EPHA3: variants seen among roughly 807,000 people sequenced by gnomAD.
The protein encoded by EPHA3 is EPH receptor A3, also known as ephrin type-A receptor 3.
A neutral mutation model predicts 107.1 loss-of-function variants in EPHA3; 42 were observed. The ratio of observed to expected loss-of-function variants is 0.39; its 90% CI spans 0.31 to 0.51. EPHA3 has a LOEUF of 0.51. Ranked by LOEUF, EPHA3 falls within the 20% of genes least tolerant of loss-of-function variation. The pLI is 0.78. For synonymous variants in EPHA3, 461 were observed against 424.8 expected, an observed-to-expected ratio of 1.09 and a Z score of -1.05; for missense variants, 1,183 against 1,211.2, an observed-to-expected ratio of 0.98 and a Z score of 0.35.
chr3:89,241,889 C>A (rs1460889348), intron 3 of EPHA3, among the ~76,000 whole-genome samples: 1 of 151,704 alleles, frequency 6.6e-6, no homozygotes, highest in Admixed American at 6.6e-5. Context: ...TAACTTTATC[C>A]CCCTCTCAGC....
intron 3 of EPHA3, among the ~76,000 whole-genome samples, chr3:89,330,049 C>A (rs900214594): frequency 3.3e-5 from 5 of 151,820 alleles, no homozygotes; most frequent in Non-Finnish European, 7.4e-5. Flanking sequence ...AAAGAGGATT[C>A]TTTTAAGATA....
At chr3:89,382,508 CAAA>C (rs575357952) in intron 5 of EPHA3, among the ~76,000 whole-genome samples, 2 of 79,764 alleles carry the variant, frequency 2.5e-5, no homozygotes, top group Non-Finnish European at 2.6e-5. Flanking sequence ...AATTCCATCT[CAAA>C]AAAAAAAAAA....
chr3:89,193,851 G>A (rs1705775934), intron 2 of EPHA3, among the ~76,000 whole-genome samples: 1 of 151,898 alleles, frequency 6.6e-6, no homozygotes, highest in South Asian at 2.1e-4. Flanking sequence ...CATGTTATAT[G>A]AATAGTATTG....
chr3:89,406,395 A>C (rs191662952), intron 7 of EPHA3, among the ~76,000 whole-genome samples: 1 of 152,266 alleles, frequency 6.6e-6, no homozygotes, highest in Admixed American at 6.5e-5. Flanking sequence ...GTCTGGGTCA[A>C]GAGTCAGTAA....
At chr3:89,437,210 A>G (rs1484903852) in intron 13 of EPHA3, among the ~76,000 whole-genome samples, 1 of 152,134 alleles carries the variant, frequency 6.6e-6, no homozygotes, top group Non-Finnish European at 1.5e-5. Flanking sequence ...TAATAACTAA[A>G]TGAATATTTT....
intron 3 of EPHA3, among the ~76,000 whole-genome samples, chr3:89,294,515 CAGA>C (rs78060675): frequency 0.24 from 35,908 of 151,884 alleles, 4,736 homozygotes; most frequent in African/African-American, 0.38. Context: ...CACACACACA[CAGA>C]AGATGACTAC....
chr3:89,197,676 C>A (rs1478502193), intron 2 of EPHA3, among the ~76,000 whole-genome samples: 1 of 152,118 alleles, frequency 6.6e-6, no homozygotes, highest in Non-Finnish European at 1.5e-5. Context: ...ATAGCAGACT[C>A]ATTTCTCATA....
At chr3:89,418,749 T>G (rs1709298712) in intron 10 of EPHA3, among the ~76,000 whole-genome samples, 1 of 151,462 alleles carries the variant, frequency 6.6e-6, no homozygotes, top group Non-Finnish European at 1.5e-5. Flanking sequence ...CTTCTCATTT[T>G]TAGAGTCTGA....
chr3:89,155,434 A>T (rs1704779421), intron 2 of EPHA3, among the ~76,000 whole-genome samples: 1 of 152,042 alleles, frequency 6.6e-6, no homozygotes, highest in Admixed American at 6.6e-5. Context: ...TAATCTTCCC[A>T]AAAGTCCATT....
intron 2 of EPHA3, among the ~76,000 whole-genome samples, chr3:89,182,199 G>C (rs1705457034): frequency 1.3e-5 from 2 of 151,682 alleles, no homozygotes; most frequent in Non-Finnish European, 1.5e-5. Flanking sequence ...CCTATAACAA[G>C]GACAGCTGTA....
intron 2 of EPHA3, among the ~76,000 whole-genome samples, chr3:89,206,671 A>G (rs1405708535): frequency 1.3e-5 from 2 of 152,178 alleles, no homozygotes; most frequent in African/African-American, 2.4e-5. Context: ...TATATTCAAC[A>G]TATACATTCA....
chr3:89,178,318 T>C (rs910553482), intron 2 of EPHA3, among the ~76,000 whole-genome samples: 3 of 152,136 alleles, frequency 2.0e-5, no homozygotes, highest in African/African-American at 7.2e-5. Flanking sequence ...TAATTTTGAT[T>C]TCCATGTTGA....
intron 11 of EPHA3, among the ~76,000 whole-genome samples, chr3:89,424,526 CT>C (rs951227112): frequency 6.0e-5 from 9 of 149,390 alleles, no homozygotes; most frequent in South Asian, 4.2e-4. Flanking sequence ...AATCTTAAAC[CT>C]TTTTTTTTGA....
At chr3:89,138,324 C>T (rs540791484) in intron 2 of EPHA3, among the ~76,000 whole-genome samples, 5 of 151,662 alleles carry the variant, frequency 3.3e-5, no homozygotes, top group East Asian at 1.9e-4. Context: ...TAGTTTGAAC[C>T]ACATGTAGTA....
chr3:89,404,230 C>T (rs745763469), intron 7 of EPHA3, among the ~76,000 whole-genome samples: 5 of 152,104 alleles, frequency 3.3e-5, no homozygotes, highest in African/African-American at 7.2e-5. Flanking sequence ...AAAAATTAGG[C>T]ATTCATCATC....
chr3:89,323,087 A>T (rs192382956), intron 3 of EPHA3, among the ~76,000 whole-genome samples: 283 of 152,234 alleles, frequency 1.9e-3, no homozygotes, highest in Middle Eastern at 0.01. Flanking sequence ...TGTCCAATAC[A>T]TCTCCAAAAG....
At chr3:89,300,533 A>G (rs1462508518) in intron 3 of EPHA3, among the ~76,000 whole-genome samples, 1 of 152,002 alleles carries the variant, frequency 6.6e-6, no homozygotes. Context: ...TACTTAGTAC[A>G]TGCTATGTTA....
chr3:89,176,496 C>CT (rs1185309871), intron 2 of EPHA3, among the ~76,000 whole-genome samples: 1 of 90,298 alleles, frequency 1.1e-5, no homozygotes, highest in African/African-American at 5.7e-5. Context: ...GATTCCATCT[C>CT]TAAAAAAAAA....
chr3:89,419,526 G>C, intron 11 of EPHA3, 136 bp downstream of exon 11: 1 of 657,872 alleles, frequency 1.5e-6, no homozygotes, highest in Non-Finnish European at 2.4e-6. Flanking sequence ...TTTAGGAATA[G>C]CATGCCTTTC....
Sources: allele counts gnomAD v4.1 joint callset (sites outside exome capture counted in the v4.1 genomes callset), GRCh38; gene constraint gnomAD v4.1.1; transcripts MANE v1.5; gene names NCBI Gene and HGNC (gene_info 2026-07-23, HGNC 2026-07-21).